CKLF: variants seen among roughly 807,000 people sequenced by gnomAD.
The protein encoded by CKLF is chemokine like factor.
In CKLF, 16 loss-of-function variants were observed where a neutral mutation model predicts 12.9. That is an observed-to-expected ratio of 1.24 (90% CI 0.84 to 1.88). The LOEUF (loss-of-function observed/expected upper bound fraction) is 1.88. CKLF is among the 40% of genes most tolerant of loss of function. The pLI is 0.00. For synonymous variants in CKLF, 61 were observed against 69.0 expected (o/e 0.88, Z 0.57); for missense variants, 172 against 188.5 (o/e 0.91, Z 0.51).
rs1023136164 is a variant in CKLF, at chr16:66,566,003, G to GT, written c.455dup (p.Leu152PhefsTer10). 6.2e-7 allele frequency: 1 copy of GT among 1,610,730 alleles called. No individual in the cohort carries two copies. The highest frequency in any genetic ancestry group is 8.5e-7 in the Non-Finnish European group (1 of 1,177,392). ...AAAGCCTGTGCATGAAAAAAAAGAA[G>GT]TTTTGTAATTTTATATTACTTTTTA... is the stretch of plus-strand genomic sequence containing the variant. On this transcript the variant is annotated frameshift_variant, in exon 4 of 4. Transcript: ENST00000264001. LOFTEE classifies it high-confidence loss of function. This position sits in a 1 kb window ranked among gnomAD's most constrained non-coding sequence, Gnocchi z 4.9.
At chr16:66,561,566 C>T (rs1450608614) in intron 2 of CKLF, among the ~76,000 whole-genome samples, 4 of 152,094 alleles carry the variant, frequency 2.6e-5, no homozygotes, top group Non-Finnish European at 4.4e-5. Flanking sequence ...AGATTGCTCA[C>T]AGGAGGCAGG....
At chr16:66,558,465 A>G in intron 2 of CKLF, 117 bp downstream of exon 2, 1 of 1,410,008 alleles carries the variant, frequency 7.1e-7, no homozygotes, top group South Asian at 1.4e-5. Flanking sequence ...AGGCTTAGGA[A>G]GGAGGAGCTC....
chr16:66,559,226 A>G (rs755489728), intron 2 of CKLF, among the ~76,000 whole-genome samples: 2 of 152,228 alleles, frequency 1.3e-5, no homozygotes, highest in African/African-American at 4.8e-5. Flanking sequence ...TATTAACAAG[A>G]AAAGACTTTA....
At chr16:66,564,971 C>T (rs1007714192) in intron 3 of CKLF, among the ~76,000 whole-genome samples, 1 of 151,946 alleles carries the variant, frequency 6.6e-6, no homozygotes, top group Non-Finnish European at 1.5e-5. Context: ...CTGCATGGTG[C>T]AGAAAAGAGG....
intron 1 of CKLF, among the ~76,000 whole-genome samples, chr16:66,555,935 T>C (rs1349286692): frequency 6.6e-6 from 1 of 152,064 alleles, no homozygotes; most frequent in Non-Finnish European, 1.5e-5. Context: ...ATAAGGTAGA[T>C]TGTGGTACCA....
intron 3 of CKLF, chr16:66,565,494 G>A (rs2012177387): frequency 5.4e-6 from 1 of 184,528 alleles, no homozygotes; most frequent in South Asian, 1.1e-4. Context: ...CTTTTCTTCT[G>A]TAGAGTTTGT....
At position 66,565,990 on chromosome 16, in the gene CKLF, T is replaced by C. The variant is rs1409581332; in HGVS notation, c.438T>C (p.His146=). ...PSGPYQKKPV[H]EKKEVL ...GTCCTTACCAGAAAAAGCCTGTGCATGAAAAAAAAGAAGTTTTGTAATTTT... is the reference window on the plus strand; with the variant it reads ...GTCCTTACCAGAAAAAGCCTGTGCACGAAAAAAAAGAAGTTTTGTAATTTT... Residue 146 remains histidine (H), a synonymous_variant, in exon 4 of 4, where the codon CAT becomes CAC. Coordinates refer to ENST00000264001, the MANE Select transcript of CKLF (RefSeq NM_016951.4). The C allele has an allele frequency of 6.2e-7, 1 of 1,611,918 alleles. No homozygotes were observed. Among genetic ancestry groups the C allele is most frequent in the South Asian group, 1.1e-5 (1 of 90,948 alleles).
intron 1 of CKLF, among the ~76,000 whole-genome samples, chr16:66,556,240 A>G (rs2011448006): frequency 6.6e-6 from 1 of 152,164 alleles, no homozygotes; most frequent in Admixed American, 6.5e-5. Context: ...AGGACAGCCA[A>G]TGGCAATAAC....
intron 1 of CKLF, among the ~76,000 whole-genome samples, chr16:66,554,043 A>C (rs2011306072): frequency 6.6e-6 from 1 of 152,228 alleles, no homozygotes; most frequent in African/African-American, 2.4e-5. Context: ...AACACTGAAA[A>C]AGGAAAGATC....
intron 1 of CKLF, among the ~76,000 whole-genome samples, chr16:66,554,435 T>C (rs1182251628): frequency 6.6e-6 from 1 of 152,104 alleles, no homozygotes; most frequent in Non-Finnish European, 1.5e-5. Context: ...AGAAGTTGAG[T>C]GTTACCTCAT....
intron 2 of CKLF, among the ~76,000 whole-genome samples, chr16:66,562,794 C>T (rs2011824617): frequency 6.6e-6 from 1 of 152,182 alleles, no homozygotes; most frequent in Non-Finnish European, 1.5e-5. Flanking sequence ...GATCTCAGTT[C>T]ACTGTAACCT....
At position 66,552,637 on chromosome 16, in the gene CKLF, C is replaced by G; in HGVS notation, c.-79C>G. ...CGGTGCTCCGCCGCGGTGGCGGTTG[C>G]TATCGCTTCGCAGAACCTACTCAGG... On this transcript the variant is annotated 5_prime_UTR_variant, in exon 1 of 4. Coordinates refer to ENST00000264001, the MANE Select transcript of CKLF (RefSeq NM_016951.4). The G allele has an allele frequency of 6.2e-7, 1 of 1,605,444 alleles. No homozygotes were observed. The highest frequency in any genetic ancestry group is 8.5e-7 in the Non-Finnish European group (1 of 1,173,272).
At chr16:66,555,350 T>G (rs1048782833) in intron 1 of CKLF, among the ~76,000 whole-genome samples, 2 of 152,214 alleles carry the variant, frequency 1.3e-5, no homozygotes, top group African/African-American at 4.8e-5. Context: ...TGCAGTAATC[T>G]GGGCAAGAAA....
chr16:66,552,704 T>A lies in CKLF; in HGVS notation c.-12T>A, dbSNP rs1239680824. 1.9e-6 allele frequency: 3 copies of A among 1,613,954 alleles called. No individual in the cohort carries two copies. Among genetic ancestry groups the A allele is most frequent in the South Asian group, 1.1e-5 (1 of 91,084 alleles). Reference sequence around the variant, plus strand: ...GTTGAGGGAAAGTGCTGCTGCTGGGTCTGCAGACGCGATGGATAACGTGCA... The same window carrying A: ...GTTGAGGGAAAGTGCTGCTGCTGGGACTGCAGACGCGATGGATAACGTGCA... On this transcript the variant is annotated 5_prime_UTR_variant, in exon 1 of 4. Coordinates refer to ENST00000264001, the MANE Select transcript of CKLF (RefSeq NM_016951.4).
intron 3 of CKLF, among the ~76,000 whole-genome samples, chr16:66,564,210 G>C (rs16956719): frequency 1.6e-4 from 24 of 152,044 alleles, no homozygotes; most frequent in African/African-American, 5.8e-4. Flanking sequence ...CTTTGGCAGG[G>C]GCTGACAAAA....
chr16:66,559,543 G>A (rs1022758855), intron 2 of CKLF, among the ~76,000 whole-genome samples: 1 of 152,124 alleles, frequency 6.6e-6, no homozygotes, highest in African/African-American at 2.4e-5. Context: ...AATGAACACT[G>A]GTCCACATCC....
chr16:66,552,772 C>G lies in CKLF; in HGVS notation c.57C>G (p.Gly19=). The G allele has an allele frequency of 2.5e-6, 4 of 1,614,088 alleles. No individual in the cohort carries two copies. Among genetic ancestry groups the G allele is most frequent in the Non-Finnish European group, 3.4e-6 (4 of 1,179,966 alleles). The change falls in exon 1 of 4, where the codon GGC becomes GGG. Residue 19 remains glycine, a synonymous_variant. Transcript: ENST00000264001. The part of the protein sequence containing the change: ...KHRPFCFSVK[G]HVKMLRLALT... ...GCCCCTTCTGCTTCAGTGTGAAAGG[C>G]CACGTGAAGATGCTGCGGCTGGTGA...
chr16:66,563,086 C>G (rs1302224136), intron 2 of CKLF, 36 bp from the exon 3 acceptor site: 1 of 1,610,866 alleles, frequency 6.2e-7, no homozygotes, highest in Non-Finnish European at 8.5e-7. Flanking sequence ...GCTTGGTAGT[C>G]TTCATGTAAG....
chr16:66,565,308 C>T (rs536321475), intron 3 of CKLF, among the ~76,000 whole-genome samples: 2 of 152,316 alleles, frequency 1.3e-5, no homozygotes, highest in African/African-American at 2.4e-5. Flanking sequence ...AAGGCCCCCA[C>T]GTGTTCTTAG....
Sources: allele counts gnomAD v4.1 joint callset (sites outside exome capture counted in the v4.1 genomes callset), GRCh38; gene constraint gnomAD v4.1.1; non-coding constraint Gnocchi (gnomAD v3.1); transcripts MANE v1.5; gene names NCBI Gene and HGNC (gene_info 2026-07-23, HGNC 2026-07-21).